Variants in TRIP12 observed in about 807,000 individuals in gnomAD.
TRIP12 encodes the protein E3 ubiquitin-protein ligase TRIP12.
A neutral mutation model predicts 244.2 loss-of-function variants in TRIP12; 25 were observed. The ratio of observed to expected loss-of-function variants is 0.10; its 90% confidence interval spans 0.07 to 0.14. The LOEUF (loss-of-function observed/expected upper bound fraction) is 0.14, where lower values mean the gene tolerates loss of function less well. Among genes scored for constraint, TRIP12 ranks in the 10% least tolerant of loss-of-function variants. The probability of loss-of-function intolerance (pLI) is 1.00; values close to 1 mark genes in which losing one functional copy is unlikely to be tolerated. For missense variants in TRIP12, 1,677 were observed against 2,486.4 expected, an observed-to-expected ratio of 0.67 and a Z score of 6.92; for synonymous variants, 905 against 873.1, an observed-to-expected ratio of 1.04 and a Z score of -0.64.
chr2:229,790,052 T>C (rs2041050517), intron 30 of TRIP12, among the ~76,000 whole-genome samples: 1 of 152,126 alleles, frequency 6.6e-6, no homozygotes, highest in Non-Finnish European at 1.5e-5. Flanking sequence ...TGGCAAACAG[T>C]AAAATGGCTG....
chr2:229,876,767 G>A (rs147036335), intron 2 of TRIP12, among the ~76,000 whole-genome samples: 211 of 152,270 alleles, frequency 1.4e-3, no homozygotes, highest in African/African-American at 4.9e-3. Context: ...CGGCTCAAGC[G>A]ATCCTCCCAC....
chr2:229,860,483 ACTCTCAGGAGGG>A lies in TRIP12; in HGVS notation c.135_146del (p.Pro46_Ser49del), dbSNP rs1256157287. On this transcript the variant is annotated inframe_deletion, in exon 3 of 42. Transcript: ENST00000675903. ...TGGGTGCCTTAGAATTAGATTTTCTACTCTCAGGAGGGCTATATCCCTTATGTTTTGCCTGCC... is the reference window on the plus strand; with the variant it reads ...TGGGTGCCTTAGAATTAGATTTTCTACTATATCCCTTATGTTTTGCCTGCC... 1.9e-6 allele frequency: 3 copies of A among 1,611,850 alleles called. No homozygotes were observed. Among genetic ancestry groups the A allele is most frequent in the Non-Finnish European group, 1.7e-6 (2 of 1,179,388 alleles).
intron 2 of TRIP12, among the ~76,000 whole-genome samples, chr2:229,870,840 T>C (rs2062431323): frequency 6.6e-6 from 1 of 152,186 alleles, no homozygotes; most frequent in Admixed American, 6.5e-5. Flanking sequence ...CAGCTTGTCC[T>C]GAGTCCTTCT....
At chr2:229,824,617 T>C (rs1163099935) in intron 8 of TRIP12, among the ~76,000 whole-genome samples, 1 of 152,202 alleles carries the variant, frequency 6.6e-6, no homozygotes, top group Admixed American at 6.5e-5. Context: ...GGCCTATCAG[T>C]TGAACATGCA....
intron 39 of TRIP12, among the ~76,000 whole-genome samples, chr2:229,770,264 A>G (rs143540870): frequency 2.3e-3 from 346 of 152,318 alleles, no homozygotes; most frequent in African/African-American, 8.0e-3. Context: ...CACTGTGCCC[A>G]GCCTATTTAA....
chr2:229,817,993 C>G (rs2048932030), intron 9 of TRIP12, among the ~76,000 whole-genome samples: 1 of 152,092 alleles, frequency 6.6e-6, no homozygotes, highest in Non-Finnish European at 1.5e-5. Flanking sequence ...CCTTTCTGGC[C>G]CCCCGACACA....
At chr2:229,814,993 G>C in intron 11 of TRIP12, 106 bp downstream of exon 11, 1 of 821,884 alleles carries the variant, frequency 1.2e-6, no homozygotes, top group Non-Finnish European at 1.9e-6. Flanking sequence ...AACATTTCTC[G>C]GGCTAAAAAA....
At chr2:229,849,990 T>C (rs1413726924) in intron 4 of TRIP12, among the ~76,000 whole-genome samples, 1 of 151,810 alleles carries the variant, frequency 6.6e-6, no homozygotes, top group Admixed American at 6.6e-5. Context: ...GATTTTGTAT[T>C]TTTCTTCTTT....
chr2:229,786,506 T>TC (rs2154254285), intron 33 of TRIP12, among the ~76,000 whole-genome samples: 1 of 150,614 alleles, frequency 6.6e-6, no homozygotes, highest in East Asian at 2.0e-4. Context: ...TAAGTGATTC[T>TC]CTTGCCTCAG....
At chr2:229,845,804 T>C (rs985239405) in intron 4 of TRIP12, among the ~76,000 whole-genome samples, 7 of 151,914 alleles carry the variant, frequency 4.6e-5, no homozygotes, top group African/African-American at 1.7e-4. Flanking sequence ...GGCAGGAGGA[T>C]TGCTGGAGGC....
intron 12 of TRIP12, 81 bp downstream of exon 12, chr2:229,814,152 C>CA: frequency 1.3e-6 from 2 of 1,532,248 alleles, no homozygotes; most frequent in Non-Finnish European, 1.8e-6. Context: ...ACAAAAACTG[C>CA]AATCAAGTAG....
At chr2:229,906,364 TCATCA>T (rs1216302046) in intron 1 of TRIP12, among the ~76,000 whole-genome samples, 3 of 150,772 alleles carry the variant, frequency 2.0e-5, no homozygotes, top group East Asian at 3.9e-4. Context: ...GAATCTTTCT[TCATCA>T]GGTTTTACAT....
rs140173132 is a variant in TRIP12, at chr2:229,825,712, T to C, written c.1450+3481A>G. Among the ~76,000 whole-genome samples, 51 of 152,134 alleles carry C rather than the reference T, an allele frequency of 3.4e-4. No homozygotes were observed. The East Asian group carries it at 9.1e-3, about 27-fold the overall frequency. On this transcript the variant is annotated intron_variant, in intron 8 of 41. Transcript: ENST00000675903. ...CCCACTGTGTCCCTCCCAGTGGGGA[T>C]TATGGGGATTGCAATTCAAGATGAG...
Position 229,858,801 on chromosome 2 carries a change from C to T in TRIP12, c.998G>A (p.Gly333Glu). The T allele has an allele frequency of 6.2e-7, 1 of 1,600,064 alleles. No individual in the cohort carries two copies. The highest frequency in any genetic ancestry group is 8.6e-7 in the Non-Finnish European group (1 of 1,169,366). Residue 333 changes from glycine (G) to glutamate (E), a missense_variant, in exon 4 of 42, where the codon GGA becomes GAA. Transcript: ENST00000675903. ...GSSKSETSKP[G>E]PSGLQAKLAS... ...TAATTTGGCCTGTAATCCAGAAGGT[C>T]CAGGTTTTGATGTCTCTGACTTAGA...
chr2:229,791,087 G>A, intron 30 of TRIP12, 37 bp downstream of exon 30: 1 of 1,609,184 alleles, frequency 6.2e-7, no homozygotes, highest in Non-Finnish European at 8.5e-7. Context: ...AGATTGCCCA[G>A]TTGGCAATCC....
chr2:229,895,123 A>G (rs2068444474), intron 1 of TRIP12, among the ~76,000 whole-genome samples: 1 of 151,978 alleles, frequency 6.6e-6, no homozygotes, highest in Non-Finnish European at 1.5e-5. Context: ...GTAGATGCAT[A>G]AAGGACAAAC....
intron 1 of TRIP12, among the ~76,000 whole-genome samples, chr2:229,881,805 G>A (rs2064941755): frequency 6.6e-6 from 1 of 152,194 alleles, no homozygotes. Flanking sequence ...ATAAGTTTCT[G>A]TATACTGTCC....
At chr2:229,813,815 TA>T (rs1161079259) in intron 13 of TRIP12, 54 bp downstream of exon 13, 2 of 1,243,770 alleles carry the variant, frequency 1.6e-6, no homozygotes, top group South Asian at 2.8e-5. Flanking sequence ...AATATAAAAT[TA>T]AAAAAATTAG....
intron 33 of TRIP12, 84 bp downstream of exon 33, chr2:229,787,421 G>T: frequency 7.1e-7 from 1 of 1,410,338 alleles, no homozygotes. Flanking sequence ...AGACCAACAT[G>T]CATATTTAGA....
Sources: gnomAD v4.1 joint callset for allele counts (sites outside exome capture counted in the v4.1 genomes callset) on GRCh38, gnomAD v4.1.1 for gene constraint, MANE v1.5 for transcripts, NCBI Gene and HGNC (gene_info 2026-07-23, HGNC 2026-07-21) for gene names.